The following DACH2 variants were observed in gnomAD, a reference collection of about 807,000 sequenced individuals.
DACH2 encodes the protein dachshund homolog 2.
In DACH2, 17 loss-of-function variants were observed where a neutral mutation model predicts 35.8. The observed-to-expected ratio is 0.48, with a 90% CI of 0.33 to 0.71. The LOEUF (loss-of-function observed/expected upper bound fraction) is 0.71. DACH2 is among the 30% of genes least tolerant of loss of function. DACH2 has a pLI of 0.02. For missense variants in DACH2, 469 were observed against 472.7 expected, an observed-to-expected ratio of 0.99 and a Z score of 0.07; for synonymous variants, 195 against 177.3, an observed-to-expected ratio of 1.10 and a Z score of -0.79.
intron 1 of DACH2, among the ~76,000 whole-genome samples, chrX:86,364,780 G>A (rs2035783818): frequency 9.0e-6 from 1 of 110,900 alleles, no homozygotes; most frequent in African/African-American, 3.3e-5. Flanking sequence ...GGATAGTAAC[G>A]GTTTTCTTTA....
chrX:86,172,353 C>T (rs2031152882), intron 1 of DACH2, among the ~76,000 whole-genome samples: 1 of 111,699 alleles, frequency 9.0e-6, no homozygotes, highest in African/African-American at 3.3e-5. Flanking sequence ...AATGTTAAAT[C>T]AGCATCATCC....
intron 6 of DACH2, among the ~76,000 whole-genome samples, chrX:86,715,490 CT>C (rs779748163): frequency 1.2e-3 from 135 of 110,895 alleles, no homozygotes; most frequent in African/African-American, 4.1e-3. Flanking sequence ...GCTTTTTCTT[CT>C]TGTGAGGAGG....
chrX:86,205,929 A>C (rs2032299575), intron 1 of DACH2, among the ~76,000 whole-genome samples: 1 of 110,930 alleles, frequency 9.0e-6, no homozygotes, highest in Non-Finnish European at 1.9e-5. Context: ...CCTACTGCCT[A>C]CTCCAAATCA....
chrX:86,812,396 T>G (rs756528415), intron 7 of DACH2, among the ~76,000 whole-genome samples: 1 of 111,725 alleles, frequency 9.0e-6, no homozygotes, highest in East Asian at 2.8e-4. Context: ...ACTCTAGAAA[T>G]TTACTAAAAA....
At chrX:86,170,807 AC>A (rs1444477682) in intron 1 of DACH2, among the ~76,000 whole-genome samples, 1 of 112,432 alleles carries the variant, frequency 8.9e-6, no homozygotes, top group Non-Finnish European at 1.9e-5. Context: ...GGTCCTGATG[AC>A]ATGTGCCCAA....
At chrX:86,310,236 T>C (rs1210057706) in intron 1 of DACH2, among the ~76,000 whole-genome samples, 3 of 112,129 alleles carry the variant, frequency 2.7e-5, no homozygotes, top group African/African-American at 9.7e-5. Flanking sequence ...AAGTGGGTCA[T>C]GCACAGCACC....
At chrX:86,260,888 C>G (rs1474879868) in intron 1 of DACH2, among the ~76,000 whole-genome samples, 3 of 111,702 alleles carry the variant, frequency 2.7e-5, no homozygotes, top group Non-Finnish European at 3.8e-5. Flanking sequence ...AATGTGTTTG[C>G]AGAGGCACCT....
chrX:86,375,386 CATAT>C (rs746039983), intron 1 of DACH2, among the ~76,000 whole-genome samples: 2 of 95,613 alleles, frequency 2.1e-5, no homozygotes, highest in African/African-American at 7.5e-5. Context: ...ATATATAATA[CATAT>C]ATATATATAT....
chrX:86,164,297 G>C (rs924323058), intron 1 of DACH2, among the ~76,000 whole-genome samples: 1 of 109,999 alleles, frequency 9.1e-6, no homozygotes, highest in African/African-American at 3.3e-5. Context: ...TTTTTTTCTT[G>C]TAAATTTGCT....
At chrX:86,685,585 C>A (rs769105719) in intron 4 of DACH2, among the ~76,000 whole-genome samples, 55 of 110,940 alleles carry the variant, frequency 5.0e-4, no homozygotes, top group Non-Finnish European at 9.0e-4. Flanking sequence ...AAATAATTTG[C>A]CTGTATTCTC....
At chrX:86,741,638 G>A (rs1207511134) in intron 7 of DACH2, among the ~76,000 whole-genome samples, 4 of 111,388 alleles carry the variant, frequency 3.6e-5, no homozygotes, top group Non-Finnish European at 7.5e-5. Context: ...ACTGATTCTA[G>A]AAAGTCTGAG....
chrX:86,395,032 A>G (rs938610447), intron 2 of DACH2, among the ~76,000 whole-genome samples: 2 of 111,821 alleles, frequency 1.8e-5, no homozygotes, highest in Non-Finnish European at 3.8e-5. Flanking sequence ...TGGAACTGCC[A>G]TTGGAAACAA....
intron 3 of DACH2, among the ~76,000 whole-genome samples, chrX:86,632,329 C>T (rs909187823): frequency 1.8e-5 from 2 of 111,018 alleles, no homozygotes; most frequent in African/African-American, 6.6e-5. Context: ...TCTTTAGCCC[C>T]TGCTTCACTT....
intron 11 of DACH2, among the ~76,000 whole-genome samples, chrX:86,824,566 G>C (rs771983144): frequency 1.8e-5 from 2 of 111,874 alleles, no homozygotes; most frequent in Non-Finnish European, 3.8e-5. Context: ...AGTAAGACAG[G>C]GGTAAGAAAT....
chrX:86,332,205 C>T (rs781011423), intron 1 of DACH2, among the ~76,000 whole-genome samples: 4 of 110,969 alleles, frequency 3.6e-5, no homozygotes, highest in Non-Finnish European at 7.6e-5. Context: ...CCTTAGTGGT[C>T]GGAGCTATTT....
intron 7 of DACH2, among the ~76,000 whole-genome samples, chrX:86,777,345 G>C (rs1346062047): frequency 1.8e-5 from 2 of 111,254 alleles, no homozygotes; most frequent in Non-Finnish European, 3.8e-5. Flanking sequence ...CAGTGATGAT[G>C]AGCATTTTTT....
In DACH2 at chrX:86,535,397, G is replaced by C. The variant is rs942132835; in HGVS notation, c.640+21006G>C. Among the ~76,000 whole-genome samples the C allele has an allele frequency of 1.9e-4, 21 of 111,628 alleles. No homozygotes were observed. In the Admixed American group the frequency reaches 2.0e-3, roughly 11 times the overall value. On this transcript the variant is annotated intron_variant, in intron 3 of 11. Coordinates refer to ENST00000373125, the MANE Select transcript of DACH2 (RefSeq NM_053281.3). ...AATATTCTAAGCCCCCCAGCCAATTGAATAGACTCCTCTCTTGGCCATGGG... is the reference window on the plus strand; with the variant it reads ...AATATTCTAAGCCCCCCAGCCAATTCAATAGACTCCTCTCTTGGCCATGGG...
intron 3 of DACH2, among the ~76,000 whole-genome samples, chrX:86,547,281 C>T (rs2038988604): frequency 9.0e-6 from 1 of 111,281 alleles, no homozygotes; most frequent in South Asian, 3.7e-4. Context: ...TAAATGAAAC[C>T]CGGGGAGTTT....
intron 3 of DACH2, among the ~76,000 whole-genome samples, chrX:86,622,984 A>G (rs2040086567): frequency 8.9e-6 from 1 of 111,948 alleles, no homozygotes; most frequent in African/African-American, 3.2e-5. Context: ...CTAACTATTG[A>G]AGATCTTTAT....
Sources: gnomAD v4.1 joint callset for allele counts (sites outside exome capture counted in the v4.1 genomes callset) on GRCh38, gnomAD v4.1.1 for gene constraint, MANE v1.5 for transcripts, NCBI Gene and HGNC (gene_info 2026-07-23, HGNC 2026-07-21) for gene names.